The following TRPM6 variants were observed in gnomAD, a reference collection of about 807,000 sequenced individuals.
TRPM6 encodes the protein channel kinase 2.
TRPM6 carries 111 observed loss-of-function variants against 247.6 expected under a neutral mutation model. The observed-to-expected ratio is 0.45, with a 90% CI of 0.38 to 0.52. The LOEUF (loss-of-function observed/expected upper bound fraction) is 0.52. Among genes scored for constraint, TRPM6 ranks in the 20% least tolerant of loss-of-function variants. The pLI, the probability that TRPM6 is intolerant of heterozygous loss-of-function variation, is 0.00. For missense variants in TRPM6, 2,126 were observed against 2,421.5 expected (o/e 0.88, Z 2.56); for synonymous variants, 892 against 853.8 (o/e 1.04, Z -0.78).
In TRPM6 at chr9:74,785,910, T is replaced by C; in HGVS notation, c.2883A>G (p.Gln961=). 6.2e-7 allele frequency: 1 copy of C among 1,614,240 alleles called. No homozygotes were observed. Among genetic ancestry groups the C allele is most frequent in the Non-Finnish European group, 8.5e-7 (1 of 1,180,038 alleles). Residue 961 remains glutamine, a synonymous_variant, in exon 21 of 39, where the codon CAA becomes CAG. Coordinates refer to ENST00000360774, the MANE Select transcript of TRPM6 (RefSeq NM_017662.5). ...TCATGGTCACATATGGACCTGCATG[T>C]TGATTCACAGCAAAGAAGTCCAGGA... ...SRLLDFFAVN[Q]HAGPYVTMIA... is the part of the protein sequence containing the mutation.
chr9:74,727,858 GA>G (rs1825383870), intron 38 of TRPM6, among the ~76,000 whole-genome samples: 1 of 152,096 alleles, frequency 6.6e-6, no homozygotes, highest in South Asian at 2.1e-4. Context: ...GGCGAAATTA[GA>G]ATAGAATAGA....
At chr9:74,743,469 G>C (rs1300985518) in intron 32 of TRPM6, among the ~76,000 whole-genome samples, 1 of 152,166 alleles carries the variant, frequency 6.6e-6, no homozygotes, top group Admixed American at 6.5e-5. Flanking sequence ...AAGTCCAGTT[G>C]GTTTTTATAT....
At chr9:74,734,713 T>C (rs1825634738) in intron 36 of TRPM6, among the ~76,000 whole-genome samples, 1 of 152,242 alleles carries the variant, frequency 6.6e-6, no homozygotes, top group Non-Finnish European at 1.5e-5. Context: ...TTTATTTCCT[T>C]ATCACTAGTA....
At chr9:74,839,025 G>A (rs567353716) in intron 5 of TRPM6, among the ~76,000 whole-genome samples, 30 of 150,764 alleles carry the variant, frequency 2.0e-4, no homozygotes, top group Non-Finnish European at 4.0e-4. Flanking sequence ...CAGGAGAATC[G>A]CTTGAACCTG....
intron 6 of TRPM6, among the ~76,000 whole-genome samples, chr9:74,830,184 C>A (rs911032701): frequency 6.6e-6 from 1 of 151,794 alleles, no homozygotes; most frequent in Non-Finnish European, 1.5e-5. Context: ...AAAATCCCTG[C>A]TTGAAAATGT....
chr9:74,794,003 A>AAG (rs1827999770), intron 18 of TRPM6, among the ~76,000 whole-genome samples: 1 of 152,190 alleles, frequency 6.6e-6, no homozygotes, highest in Non-Finnish European at 1.5e-5. Flanking sequence ...AGGAAGAGAA[A>AAG]AGAAAAGAGA....
intron 1 of TRPM6, among the ~76,000 whole-genome samples, chr9:74,885,170 T>C (rs759464433): frequency 5.9e-5 from 9 of 152,214 alleles, no homozygotes; most frequent in Non-Finnish European, 1.3e-4. Context: ...AAGCTTTTAA[T>C]AGCATGTAGG....
intron 36 of TRPM6, among the ~76,000 whole-genome samples, chr9:74,735,592 C>A (rs916477833): frequency 6.6e-6 from 1 of 152,052 alleles, no homozygotes; most frequent in African/African-American, 2.4e-5. Flanking sequence ...ATATTAATAT[C>A]TCCAAATTAA....
intron 23 of TRPM6, among the ~76,000 whole-genome samples, chr9:74,781,757 T>C (rs1296175899): frequency 6.6e-6 from 1 of 152,132 alleles, no homozygotes; most frequent in Non-Finnish European, 1.5e-5. Context: ...AATTCGAACT[T>C]ACTGCCTAAT....
At chr9:74,816,996 T>G in intron 9 of TRPM6, 32 bp from the exon 10 acceptor site, 1 of 1,569,824 alleles carries the variant, frequency 6.4e-7, no homozygotes, top group Non-Finnish European at 8.8e-7. Context: ...AGCCATACAT[T>G]TGGGGAACTA....
chr9:74,820,123 A>T (rs755820131), intron 9 of TRPM6, 181 bp downstream of exon 9: 3 of 653,874 alleles, frequency 4.6e-6, no homozygotes, highest in Non-Finnish European at 8.1e-6. Flanking sequence ...AGGTATTAAG[A>T]TCTCCATGCA....
At chr9:74,780,450 G>A (rs187561580) in intron 23 of TRPM6, among the ~76,000 whole-genome samples, 98 of 146,468 alleles carry the variant, frequency 6.7e-4, no homozygotes, top group Middle Eastern at 7.1e-3. Flanking sequence ...GTGAAACTCC[G>A]TCTCAAAAAA....
intron 19 of TRPM6, among the ~76,000 whole-genome samples, chr9:74,789,856 G>A (rs143920958): frequency 2.0e-5 from 3 of 150,632 alleles, no homozygotes; most frequent in South Asian, 2.1e-4. Context: ...AGTTACTCAG[G>A]AGACTGAGGC....
chr9:74,833,886 G>A, intron 6 of TRPM6, 112 bp downstream of exon 6: 1 of 1,418,766 alleles, frequency 7.0e-7, no homozygotes, highest in Admixed American at 1.8e-5. Flanking sequence ...GGAGTTGGTA[G>A]TGAATATATT....
chr9:74,818,962 T>G (rs959433558), intron 9 of TRPM6, among the ~76,000 whole-genome samples: 2 of 152,034 alleles, frequency 1.3e-5, no homozygotes, highest in Non-Finnish European at 2.9e-5. Flanking sequence ...TCATGACATA[T>G]CTGTATATTT....
intron 25 of TRPM6, among the ~76,000 whole-genome samples, chr9:74,769,599 A>T (rs1189054174): frequency 6.6e-6 from 1 of 152,016 alleles, no homozygotes; most frequent in Non-Finnish European, 1.5e-5. Context: ...TCTACTAAAA[A>T]TACAAAAAAT....
At chr9:74,788,462 C>A (rs1014357814) in intron 20 of TRPM6, 152 bp downstream of exon 20, 1 of 926,126 alleles carries the variant, frequency 1.1e-6, no homozygotes. Flanking sequence ...CCCAAATAAC[C>A]TTTATGCAGC....
intron 1 of TRPM6, among the ~76,000 whole-genome samples, chr9:74,884,425 C>A (rs1253211017): frequency 2.6e-5 from 4 of 151,402 alleles, no homozygotes; most frequent in Non-Finnish European, 5.9e-5. Context: ...GCAGGCGGAG[C>A]TTGCACTGAG....
intron 1 of TRPM6, chr9:74,887,462 C>A: frequency 9.7e-7 from 1 of 1,027,892 alleles, no homozygotes; most frequent in East Asian, 2.7e-5. Flanking sequence ...CCTCTCCCTC[C>A]GGCCCGGAGC....
Sources: gnomAD v4.1 joint callset for allele counts (sites outside exome capture counted in the v4.1 genomes callset) on GRCh38, gnomAD v4.1.1 for gene constraint, MANE v1.5 for transcripts, NCBI Gene and HGNC (gene_info 2026-07-23, HGNC 2026-07-21) for gene names.